DPYD: variants seen among roughly 807,000 people sequenced by gnomAD.
DPYD encodes the protein dihydropyrimidine dehydrogenase [NADP(+)].
DPYD carries 109 observed loss-of-function variants against 116.2 expected under a neutral mutation model. The observed-to-expected ratio is 0.94, with a 90% CI of 0.80 to 1.10. The LOEUF is 1.10. Ranked by LOEUF, DPYD falls within the 50% of genes least tolerant of loss-of-function variation. The probability of loss-of-function intolerance (pLI) is 0.00; values close to 1 mark genes in which losing one functional copy is unlikely to be tolerated. For synonymous variants in DPYD, 440 were observed against 432.0 expected, an observed-to-expected ratio of 1.02 and a Z score of -0.23; for missense variants, 1,302 against 1,254.5, an observed-to-expected ratio of 1.04 and a Z score of -0.57.
intron 1 of DPYD, among the ~76,000 whole-genome samples, chr1:97,913,797 G>A (rs1423209025): frequency 6.6e-6 from 1 of 151,990 alleles, no homozygotes; most frequent in Non-Finnish European, 1.5e-5. Flanking sequence ...GGGGCTTTGA[G>A]GGGTTGAGGT....
chr1:97,896,628 C>T (rs1383291793), intron 1 of DPYD, among the ~76,000 whole-genome samples: 1 of 151,740 alleles, frequency 6.6e-6, no homozygotes, highest in Non-Finnish European at 1.5e-5. Context: ...AGCTGTGCAA[C>T]CATCACCATA....
chr1:97,691,509 G>C (rs562398733), intron 7 of DPYD: 1 of 519,616 alleles, frequency 1.9e-6, no homozygotes, highest in Non-Finnish European at 3.5e-6. Context: ...TGCCAGATGA[G>C]AACTATTGAT....
chr1:97,169,417 C>G (rs1185426059), intron 20 of DPYD, among the ~76,000 whole-genome samples: 1 of 152,110 alleles, frequency 6.6e-6, no homozygotes, highest in Non-Finnish European at 1.5e-5. Flanking sequence ...TTAGAAGGAG[C>G]ATTTCTTTCC....
chr1:97,384,096 G>A (rs1357165479), intron 14 of DPYD, among the ~76,000 whole-genome samples: 2 of 152,060 alleles, frequency 1.3e-5, no homozygotes, highest in Admixed American at 6.6e-5. Context: ...GCAACAGAGC[G>A]AGATTCTATC....
At chr1:97,189,184 T>C (rs1409479646) in intron 20 of DPYD, among the ~76,000 whole-genome samples, 1 of 152,194 alleles carries the variant, frequency 6.6e-6, no homozygotes. Flanking sequence ...GGTTATTTTC[T>C]AGTAAAGGAA....
chr1:97,134,046 TA>T (rs1653592374), intron 20 of DPYD, among the ~76,000 whole-genome samples: 1 of 70,172 alleles, frequency 1.4e-5, no homozygotes, highest in African/African-American at 5.8e-5. Context: ...TATATATATA[TA>T]TATATATATA....
intron 2 of DPYD, among the ~76,000 whole-genome samples, chr1:97,877,543 T>C (rs1671987922): frequency 6.6e-6 from 1 of 152,068 alleles, no homozygotes; most frequent in South Asian, 2.1e-4. Context: ...ATTTTTCACA[T>C]ACTGAAAGAG....
At chr1:97,574,838 T>G (rs1653158236) in intron 10 of DPYD, among the ~76,000 whole-genome samples, 1 of 152,156 alleles carries the variant, frequency 6.6e-6, no homozygotes, top group Non-Finnish European at 1.5e-5. Flanking sequence ...TCTTATTATT[T>G]TCCTTCACTC....
chr1:97,740,288 G>A, intron 4 of DPYD, 104 bp downstream of exon 4: 1 of 936,780 alleles, frequency 1.1e-6, no homozygotes, highest in Admixed American at 1.9e-5. Flanking sequence ...ATATTTAATG[G>A]TTTAACTGGA....
chr1:97,555,003 C>T (rs1254895383), intron 11 of DPYD, among the ~76,000 whole-genome samples: 1 of 151,944 alleles, frequency 6.6e-6, no homozygotes, highest in Non-Finnish European at 1.5e-5. Context: ...CTTCCTTTAC[C>T]CAATTTCTCG....
intron 18 of DPYD, among the ~76,000 whole-genome samples, chr1:97,302,770 C>T (rs1666938612): frequency 6.6e-6 from 1 of 151,956 alleles, no homozygotes; most frequent in South Asian, 2.1e-4. Flanking sequence ...CCAAACAATG[C>T]TTATCCCAAC....
In DPYD at chr1:97,770,831, A is replaced by G. The variant is rs559630459; in HGVS notation, c.234-30352T>C. Among the ~76,000 whole-genome samples the G allele has an allele frequency of 2.9e-4, 44 of 152,280 alleles. No homozygotes were observed. In the South Asian group the frequency reaches 8.7e-3, roughly 30 times the overall value. On this transcript the variant is annotated intron_variant, in intron 3 of 22. Coordinates refer to ENST00000370192, the MANE Select transcript of DPYD (RefSeq NM_000110.4). Reference sequence around the variant, plus strand: ...TATATCTTATTATAATCTTAAAATGATATGTGCACACATATACACAGGATG... The same window carrying G: ...TATATCTTATTATAATCTTAAAATGGTATGTGCACACATATACACAGGATG...
intron 13 of DPYD, chr1:97,514,177 C>T: frequency 1.0e-6 from 1 of 984,144 alleles, no homozygotes; most frequent in South Asian, 4.7e-5. Flanking sequence ...TTAGCTTCCA[C>T]ATTTATTTCT....
At chr1:97,723,263 T>C (rs995828251) in intron 4 of DPYD, among the ~76,000 whole-genome samples, 3 of 151,582 alleles carry the variant, frequency 2.0e-5, no homozygotes, top group Admixed American at 1.3e-4. Context: ...GCAGTAAGAA[T>C]GTGGTATGAA....
intron 8 of DPYD, among the ~76,000 whole-genome samples, chr1:97,671,332 C>T (rs1285266979): frequency 6.6e-6 from 1 of 152,012 alleles, no homozygotes; most frequent in African/African-American, 2.4e-5. Context: ...TCATTAAATA[C>T]CCTAGCGAGT....
At chr1:97,240,686 T>C (rs1277707592) in intron 18 of DPYD, among the ~76,000 whole-genome samples, 1 of 152,008 alleles carries the variant, frequency 6.6e-6, no homozygotes, top group Non-Finnish European at 1.5e-5. Context: ...CTTGACTGTC[T>C]AATTGTTAAC....
intron 10 of DPYD, among the ~76,000 whole-genome samples, chr1:97,584,289 C>T (rs1328590429): frequency 1.3e-5 from 2 of 151,926 alleles, no homozygotes; most frequent in Admixed American, 6.6e-5. Flanking sequence ...TGTTTGAGTT[C>T]ATTGTAGATT....
At chr1:97,916,833 C>T (rs968936155) in intron 1 of DPYD, among the ~76,000 whole-genome samples, 1 of 152,050 alleles carries the variant, frequency 6.6e-6, no homozygotes, top group African/African-American at 2.4e-5. Flanking sequence ...TATACTGAGA[C>T]CCCCATCTCT....
chr1:97,836,200 T>C (rs2101515492), intron 2 of DPYD, among the ~76,000 whole-genome samples: 1 of 152,282 alleles, frequency 6.6e-6, no homozygotes, highest in Non-Finnish European at 1.5e-5. Flanking sequence ...AATCCACTGT[T>C]ACTACTTGAA....
Sources: allele counts gnomAD v4.1 joint callset (sites outside exome capture counted in the v4.1 genomes callset), GRCh38; gene constraint gnomAD v4.1.1; transcripts MANE v1.5; gene names NCBI Gene and HGNC (gene_info 2026-07-23, HGNC 2026-07-21).